The following RBM33 variants were observed in gnomAD, a reference collection of about 807,000 sequenced individuals.
RBM33 encodes the protein RNA binding motif protein 33.
In RBM33, 28 loss-of-function variants were observed where a neutral mutation model predicts 132.6. The ratio of observed to expected loss-of-function variants is 0.21; its 90% confidence interval spans 0.16 to 0.29. The LOEUF (loss-of-function observed/expected upper bound fraction) is 0.29. Ranked by LOEUF, RBM33 falls within the 10% of genes least tolerant of loss-of-function variation. The pLI is 1.00. For synonymous variants in RBM33, 634 were observed against 593.0 expected, an observed-to-expected ratio of 1.07 and a Z score of -1.01; for missense variants, 1,291 against 1,518.5, an observed-to-expected ratio of 0.85 and a Z score of 2.49.
At chr7:155,659,106 A>C (rs1585403264) in intron 1 of RBM33, among the ~76,000 whole-genome samples, 2 of 152,364 alleles carry the variant, frequency 1.3e-5, no homozygotes, top group South Asian at 4.1e-4. Flanking sequence ...GTGTAACAGC[A>C]GCAACTCTGG....
intron 11 of RBM33, 89 bp from the exon 12 acceptor site, chr7:155,739,626 G>A: frequency 2.9e-6 from 4 of 1,388,542 alleles, no homozygotes; most frequent in South Asian, 3.0e-5. Context: ...TTCCTTTCTT[G>A]TGTTGAGGTT....
At chr7:155,667,058 G>A (rs527493723) in intron 2 of RBM33, among the ~76,000 whole-genome samples, 12 of 152,160 alleles carry the variant, frequency 7.9e-5, no homozygotes, top group African/African-American at 2.4e-4. Context: ...AATTGTTTAC[G>A]TACATGGATA....
intron 9 of RBM33, among the ~76,000 whole-genome samples, chr7:155,736,767 A>G (rs1801139208): frequency 6.6e-6 from 1 of 152,256 alleles, no homozygotes; most frequent in Admixed American, 6.5e-5. Flanking sequence ...TTAAATAGCA[A>G]AGATGAGCAT....
intron 2 of RBM33, among the ~76,000 whole-genome samples, chr7:155,671,329 TAA>T (rs557363906): frequency 4.9e-4 from 74 of 152,316 alleles, no homozygotes; most frequent in African/African-American, 1.6e-3. Context: ...CAAGGGCTGT[TAA>T]GTTCTTGTCC....
chr7:155,726,105 A>T (rs534558249), intron 9 of RBM33, among the ~76,000 whole-genome samples: 1 of 152,222 alleles, frequency 6.6e-6, no homozygotes, highest in Admixed American at 6.5e-5. Flanking sequence ...TTAAGTGTCA[A>T]TTGGTTTCTT....
At chr7:155,773,251 T>G (rs1374124301) in intron 16 of RBM33, among the ~76,000 whole-genome samples, 1 of 152,212 alleles carries the variant, frequency 6.6e-6, no homozygotes, top group Non-Finnish European at 1.5e-5. Context: ...TGCCAGGACC[T>G]GCCCAGGGAC....
intron 9 of RBM33, among the ~76,000 whole-genome samples, chr7:155,728,821 C>T (rs1180996793): frequency 6.6e-6 from 1 of 152,206 alleles, no homozygotes; most frequent in Non-Finnish European, 1.5e-5. Flanking sequence ...GTGTGCTCTG[C>T]AGGTAGGCAG....
At chr7:155,761,414 C>T (rs542698705) in intron 14 of RBM33, among the ~76,000 whole-genome samples, 17 of 152,262 alleles carry the variant, frequency 1.1e-4, no homozygotes, top group African/African-American at 3.6e-4. Flanking sequence ...TTTGGTAAAA[C>T]TTACTGGTGA....
Position 155,701,199 on chromosome 7 carries a change from G to T in RBM33, c.739+255G>T, listed in dbSNP as rs1316967156. On this transcript the variant is annotated intron_variant, in intron 6 of 17. Coordinates refer to ENST00000401878, the MANE Select transcript of RBM33 (RefSeq NM_053043.3). ...TTAAAAAAAATTTTTTTTTGAGTCT[G>T]TGGCCTACAGCTGCTCTTGTACATG... The T allele has an allele frequency of 7.3e-6, 4 of 546,870 alleles. No homozygotes were observed. The African/African-American group carries it at 7.6e-5, about 10-fold the overall frequency. The allele number at this position is 546,870 out of a possible 1,614,324, so 33.9% of individuals were successfully genotyped here. A position where few individuals can be genotyped will look rare whatever the true frequency, so the allele number is the denominator to read the frequency against.
chr7:155,726,580 A>C (rs988724207), intron 9 of RBM33, among the ~76,000 whole-genome samples: 9 of 152,242 alleles, frequency 5.9e-5, no homozygotes, highest in African/African-American at 2.2e-4. Context: ...TTCTTTCAAA[A>C]GGTAGAATTA....
chr7:155,697,763 T>C (rs1440228687), intron 5 of RBM33, among the ~76,000 whole-genome samples: 1 of 152,234 alleles, frequency 6.6e-6, no homozygotes, highest in Non-Finnish European at 1.5e-5. Context: ...GCTTTTCCAG[T>C]TCTTTCTACA....
chr7:155,683,501 A>G (rs1418882501), intron 5 of RBM33, among the ~76,000 whole-genome samples: 6 of 152,192 alleles, frequency 3.9e-5, no homozygotes, highest in Admixed American at 1.3e-4. Context: ...GTAAAGCCAC[A>G]TGGAGGGGCT....
At chr7:155,704,101 C>G (rs1240099909) in intron 6 of RBM33, among the ~76,000 whole-genome samples, 2 of 152,088 alleles carry the variant, frequency 1.3e-5, no homozygotes, top group Non-Finnish European at 2.9e-5. Flanking sequence ...GTTTTGGTTA[C>G]TTTTAGTCTT....
In RBM33 at chr7:155,680,915, C is replaced by G. The variant is rs774938698; in HGVS notation, c.567+7C>G. The G allele has an allele frequency of 1.9e-6, 3 of 1,606,782 alleles. No homozygotes were observed. Among genetic ancestry groups the G allele is most frequent in the Non-Finnish European group, 2.6e-6 (3 of 1,175,216 alleles). ...ACCTTTAGATGAATTTACAGTGAGT[C>G]TTTTCTCCTTTGTATGGCCAAAGAT... On this transcript the variant is annotated splice_region_variant and intron_variant, in intron 5 of 17. Transcript: ENST00000401878.
At chr7:155,685,838 A>G (rs1799462434) in intron 5 of RBM33, among the ~76,000 whole-genome samples, 1 of 152,234 alleles carries the variant, frequency 6.6e-6, no homozygotes. Context: ...TCAGGAGGCC[A>G]TGAAAACTGA....
At position 155,774,669 on chromosome 7, in the gene RBM33, TGTG is replaced by T; in HGVS notation, c.3464+26_3464+28del. 2 of 1,600,890 alleles carry T rather than the reference TGTG, an allele frequency of 1.2e-6. No individual in the cohort carries two copies. The highest frequency in any genetic ancestry group is 1.7e-6 in the Non-Finnish European group (2 of 1,168,066). Reference sequence around the variant, plus strand: ...ACAGGTGACCAGTGTGTTCTGTGCTTGTGGTGATAAGGGGGCGGGAGCAAGGCC... The same window carrying T: ...ACAGGTGACCAGTGTGTTCTGTGCTTGTGATAAGGGGGCGGGAGCAAGGCC... On this transcript the variant is annotated intron_variant, in intron 17 of 17. Transcript: ENST00000401878. This position sits in a 1 kb window ranked among gnomAD's most constrained non-coding sequence, Gnocchi z 4.2.
At chr7:155,710,192 C>T (rs777180675) in intron 7 of RBM33, among the ~76,000 whole-genome samples, 6 of 152,210 alleles carry the variant, frequency 3.9e-5, no homozygotes, top group Non-Finnish European at 7.3e-5. Flanking sequence ...TTAAATTAGA[C>T]AACTGAATAA....
In RBM33 at chr7:155,709,670, T is replaced by C. The variant is rs141756118; in HGVS notation, c.949-1533T>C. 8.3e-3 allele frequency among the ~76,000 whole-genome samples: 1,266 copies of C among 152,324 alleles called. 13 individuals are homozygous for C. Among genetic ancestry groups the C allele is most frequent in the African/African-American group, 0.029 (1,203 of 41,560 alleles). On this transcript the variant is annotated intron_variant, in intron 7 of 17. Transcript: ENST00000401878. ...GGTCACTCTCAGTTCAATTAAAATT[T>C]AACTTGGGTGTCCCTGTGTCTGTTA...
rs201127157 is a variant in RBM33 at position 155,773,568 on chromosome 7, C to CAAAAAAAAAAAAAAAAA, written c.3376-980_3376-964dup. On this transcript the variant is annotated intron_variant, in intron 16 of 17. Transcript: ENST00000401878. ...AGGCAACAGTGCGAGACTCCATCTCCAAAAAAAAAAAAAAAAAAAAAAAAA... is the reference window on the plus strand; with the variant it reads ...AGGCAACAGTGCGAGACTCCATCTCCAAAAAAAAAAAAAAAAAAAAAAAAAAAAAAAAAAAAAAAAAA... Among the ~76,000 whole-genome samples the CAAAAAAAAAAAAAAAAA allele has an allele frequency of 4.0e-5, 2 of 50,476 alleles. 1 individual carries two copies. The highest frequency in any genetic ancestry group is 1.7e-4 in the African/African-American group (2 of 11,986). The allele number at this position is 50,476 out of a possible 152,430, so 33.1% of individuals were successfully genotyped here.
Sources: allele counts gnomAD v4.1 joint callset (sites outside exome capture counted in the v4.1 genomes callset), GRCh38; gene constraint gnomAD v4.1.1; non-coding constraint Gnocchi (gnomAD v3.1); transcripts MANE v1.5; gene names NCBI Gene and HGNC (gene_info 2026-07-23, HGNC 2026-07-21).